ZNF326: variants seen among roughly 807,000 people sequenced by gnomAD.
The protein encoded by ZNF326 is zinc finger protein 326.
A neutral mutation model predicts 63.1 loss-of-function variants in ZNF326; 30 were observed. The observed-to-expected ratio is 0.48, with a 90% CI of 0.36 to 0.64. The LOEUF (loss-of-function observed/expected upper bound fraction) is 0.64. Ranked by LOEUF, ZNF326 falls within the 30% of genes least tolerant of loss-of-function variation. The probability of loss-of-function intolerance (pLI) is 0.00; values close to 1 mark genes in which losing one functional copy is unlikely to be tolerated. For synonymous variants in ZNF326, 194 were observed against 228.2 expected, an observed-to-expected ratio of 0.85 and a Z score of 1.35; for missense variants, 609 against 720.3, an observed-to-expected ratio of 0.85 and a Z score of 1.77.
rs1278572053 is a variant in ZNF326, at chr1:90,034,071, CAAAATGTCTA to C, written c.*6373_*6382del. On this transcript the variant is annotated 3_prime_UTR_variant, in exon 12 of 12. Transcript: ENST00000340281. ...TGTAATCCCAAGCTTAGAAAAATCT[CAAAATGTCTA>C]AAGAGAAACAGTGTACCTATAAGGG... 1 of 152,060 alleles carries C rather than the reference CAAAATGTCTA, an allele frequency of 6.6e-6. No individual in the cohort carries two copies. Among genetic ancestry groups the C allele is most frequent in the East Asian group, 1.9e-4 (1 of 5,202 alleles). The allele number at this position is 152,060 out of a possible 1,614,324, so 9.4% of individuals were successfully genotyped here.
intron 4 of ZNF326, chr1:90,006,565 T>G (rs1344158698): frequency 5.5e-6 from 4 of 729,876 alleles, no homozygotes; most frequent in Non-Finnish European, 6.7e-6. Flanking sequence ...TTTTATGTGA[T>G]AATTTCCTGA....
intron 7 of ZNF326, among the ~76,000 whole-genome samples, chr1:90,015,141 A>G (rs1649442265): frequency 2.6e-5 from 4 of 152,210 alleles, no homozygotes; most frequent in Non-Finnish European, 1.5e-5. Context: ...ATTTTCATTT[A>G]TCAGAGCAGT....
chr1:90,025,310 AT>A (rs1268395162), intron 11 of ZNF326, among the ~76,000 whole-genome samples: 1 of 152,034 alleles, frequency 6.6e-6, no homozygotes, highest in Non-Finnish European at 1.5e-5. Flanking sequence ...TGCTTCTCTT[AT>A]TTTGAGACAG....
chr1:90,001,502 A>T (rs1469788552), intron 2 of ZNF326, among the ~76,000 whole-genome samples: 1 of 151,606 alleles, frequency 6.6e-6, no homozygotes, highest in Non-Finnish European at 1.5e-5. Flanking sequence ...AAGTAGTCCC[A>T]CTCAAGACTT....
At position 90,014,155 on chromosome 1, in the gene ZNF326, T is replaced by TA. The variant is rs562603634; in HGVS notation, c.926+928dup. ...CATATGACACCTGGAATGAATGTAGTAAAAAAAAAATGAAATTACAGAAAA... is the reference window on the plus strand; with the variant it reads ...CATATGACACCTGGAATGAATGTAGTAAAAAAAAAAATGAAATTACAGAAAA... On this transcript the variant is annotated intron_variant, in intron 7 of 11. Coordinates refer to ENST00000340281, the MANE Select transcript of ZNF326 (RefSeq NM_182976.4). 7.8e-3 allele frequency among the ~76,000 whole-genome samples: 1,155 copies of TA among 148,888 alleles called. 9 individuals are homozygous for TA. Among genetic ancestry groups the TA allele is most frequent in the Non-Finnish European group, 0.011 (743 of 67,064 alleles).
intron 11 of ZNF326, among the ~76,000 whole-genome samples, chr1:90,026,065 G>A (rs1481979969): frequency 3.3e-5 from 5 of 151,364 alleles, no homozygotes; most frequent in Non-Finnish European, 7.4e-5. Flanking sequence ...CTGGGTTCAC[G>A]CCATTCTCCT....
intron 2 of ZNF326, among the ~76,000 whole-genome samples, chr1:90,001,325 A>G (rs1281553805): frequency 6.6e-6 from 1 of 152,200 alleles, no homozygotes; most frequent in African/African-American, 2.4e-5. Flanking sequence ...AGCATTGAAC[A>G]TGATTGAACT....
intron 6 of ZNF326, among the ~76,000 whole-genome samples, chr1:90,012,727 C>T (rs1649309202): frequency 6.6e-6 from 1 of 152,260 alleles, no homozygotes; most frequent in South Asian, 2.1e-4. Flanking sequence ...CAGGGCTCTG[C>T]AGTGTTTACT....
intron 4 of ZNF326, chr1:90,005,596 T>A: frequency 1.1e-6 from 1 of 902,926 alleles, no homozygotes; most frequent in Non-Finnish European, 1.3e-6. Flanking sequence ...TATGAAGCTT[T>A]TTCTTAATAA....
At position 90,005,168 on chromosome 1, in the gene ZNF326, G is replaced by A. The variant is rs759755917; in HGVS notation, c.133G>A (p.Gly45Ser). The A allele has an allele frequency of 6.2e-7, 1 of 1,613,824 alleles. No homozygotes were observed. The highest frequency in any genetic ancestry group is 8.5e-7 in the Non-Finnish European group (1 of 1,179,896). ...DRDYGHGSYG[G>S]QRSMDSYLNQ... ...TGACTATGGCCATGGATCCTATGGG[G>A]GTCAGAGATCCATGGATTCCTACCT... is the stretch of plus-strand genomic sequence containing the variant. The change falls in exon 4 of 12, where the codon GGT becomes AGT. Residue 45 changes from glycine to serine, a missense_variant. Gly to Ser is a moderately conservative substitution (Grantham distance 56). This residue lies in a region of ZNF326 where 97 missense variants were observed against 88.7 expected (regional missense o/e 1.09). Transcript: ENST00000340281.
intron 2 of ZNF326, among the ~76,000 whole-genome samples, chr1:90,001,555 AT>A (rs34759229): frequency 3.8e-4 from 54 of 143,842 alleles, no homozygotes; most frequent in African/African-American, 9.7e-4. Flanking sequence ...TCAGTTTTTA[AT>A]TTTTTTTTTT....
chr1:90,019,564 CTT>C (rs1649665280), intron 9 of ZNF326, among the ~76,000 whole-genome samples: 1 of 152,016 alleles, frequency 6.6e-6, no homozygotes, highest in African/African-American at 2.4e-5. Flanking sequence ...TTTTTTAAGT[CTT>C]TATGGTTTCT....
intron 4 of ZNF326, chr1:90,005,974 G>T: frequency 2.0e-6 from 2 of 985,398 alleles, no homozygotes; most frequent in South Asian, 9.4e-5. Flanking sequence ...CATATTTCAG[G>T]AGAAGGGGTG....
chr1:90,020,482 A>G (rs1410004854), intron 9 of ZNF326, among the ~76,000 whole-genome samples: 2 of 152,072 alleles, frequency 1.3e-5, no homozygotes, highest in Non-Finnish European at 2.9e-5. Flanking sequence ...TTATTTTACT[A>G]CAAAATCAAT....
rs901742542 is a variant in ZNF326 at position 90,027,903 on chromosome 1, T to C, written c.*202T>C. 7.1e-6 allele frequency: 4 copies of C among 563,802 alleles called. No individual in the cohort carries two copies. The South Asian group carries it at 9.8e-5, about 14-fold the overall frequency. The allele number at this position is 563,802 out of a possible 1,614,324, so 34.9% of individuals were successfully genotyped here. The stretch of plus-strand genomic sequence containing the variant: ...ACTATTTTAGTTTAGTTTTTATAGC[T>C]ACCAGACTTAGATCCGATAAATTGT... On this transcript the variant is annotated 3_prime_UTR_variant, in exon 12 of 12. Coordinates refer to ENST00000340281, the MANE Select transcript of ZNF326 (RefSeq NM_182976.4).
intron 4 of ZNF326, chr1:90,006,328 G>C: frequency 1.0e-6 from 1 of 977,150 alleles, no homozygotes; most frequent in East Asian, 1.1e-4. Flanking sequence ...GTTTTAATAT[G>C]TCAGTTATTG....
At chr1:90,004,329 A>G (rs1269189161) in intron 2 of ZNF326, among the ~76,000 whole-genome samples, 1 of 152,214 alleles carries the variant, frequency 6.6e-6, no homozygotes, top group Non-Finnish European at 1.5e-5. Context: ...AACAAGGCTA[A>G]TTGGAAATGT....
rs187562164 is a variant in ZNF326 at position 89,997,314 on chromosome 1, T to A, written c.17-796T>A. On this transcript the variant is annotated intron_variant, in intron 1 of 11. Transcript: ENST00000340281. ...TATGGTTTTCAGTGATGACACATTC[T>A]GCTTGAATATAGAACACAGTCATAT... Among the ~76,000 whole-genome samples, 553 of 152,350 alleles carry A rather than the reference T, an allele frequency of 3.6e-3. 4 individuals are homozygous for A. The highest frequency in any genetic ancestry group is 0.013 in the African/African-American group (520 of 41,570).
At chr1:90,020,672 C>T (rs1649725498) in intron 9 of ZNF326, 120 bp from the exon 10 acceptor site, 4 of 900,470 alleles carry the variant, frequency 4.4e-6, no homozygotes, top group African/African-American at 1.7e-5. Flanking sequence ...TAAACCTATG[C>T]ACTCTGATCT....
Sources: allele counts gnomAD v4.1 joint callset (sites outside exome capture counted in the v4.1 genomes callset), GRCh38; gene constraint gnomAD v4.1.1; regional missense constraint gnomAD v4.1.1; transcripts MANE v1.5; gene names NCBI Gene and HGNC (gene_info 2026-07-23, HGNC 2026-07-21).